The following TENM3 variants were observed in gnomAD, a reference collection of about 807,000 sequenced individuals.
The protein encoded by TENM3 is teneurin-3.
TENM3 carries 63 observed loss-of-function variants against 255.1 expected under a neutral mutation model. That is an observed-to-expected ratio of 0.25 (90% CI 0.20 to 0.30). The LOEUF (loss-of-function observed/expected upper bound fraction) is 0.30, where lower values mean the gene tolerates loss of function less well. Ranked by LOEUF, TENM3 falls within the 10% of genes least tolerant of loss-of-function variation. TENM3 has a pLI of 1.00. For synonymous variants in TENM3, 1,306 were observed against 1,322.3 expected (o/e 0.99, Z 0.27); for missense variants, 2,929 against 3,461.1 (o/e 0.85, Z 3.86).
At chr4:182,670,288 A>T (rs879922534) in intron 6 of TENM3, among the ~76,000 whole-genome samples, 16 of 152,206 alleles carry the variant, frequency 1.1e-4, no homozygotes, top group Non-Finnish European at 2.2e-4. Flanking sequence ...CTCAATTTGG[A>T]AATTTTATTC....
chr4:182,727,017 A>T (rs1579254552), intron 13 of TENM3, among the ~76,000 whole-genome samples: 1 of 152,356 alleles, frequency 6.6e-6, no homozygotes, highest in Admixed American at 6.5e-5. Context: ...TGAGCTTGCC[A>T]TCACAGTGGT....
chr4:182,008,767 A>G, the TENM3 span, among the ~76,000 whole-genome samples: 1 of 151,936 alleles, frequency 6.6e-6, no homozygotes, highest in South Asian at 2.1e-4. Flanking sequence ...CCCTTGATGG[A>G]GAGATGTTGC....
chr4:182,500,555 A>G (rs893563830), intron 3 of TENM3, among the ~76,000 whole-genome samples: 1 of 152,200 alleles, frequency 6.6e-6, no homozygotes, highest in African/African-American at 2.4e-5. Context: ...ATTTAGCAGT[A>G]TATGTTTAAA....
At chr4:181,574,403 C>T in the TENM3 span, among the ~76,000 whole-genome samples, 8 of 151,816 alleles carry the variant, frequency 5.3e-5, no homozygotes, top group South Asian at 2.1e-4. Context: ...CGGTGGCGGG[C>T]GCCTGTAGTC....
At chr4:182,740,193 C>T (rs779505176) in intron 18 of TENM3, among the ~76,000 whole-genome samples, 4 of 152,328 alleles carry the variant, frequency 2.6e-5, no homozygotes, top group Middle Eastern at 3.4e-3. Context: ...CTTCCAGTTA[C>T]GTCCTGGACA....
At chr4:182,622,227 C>T (rs1200856658) in intron 4 of TENM3, among the ~76,000 whole-genome samples, 2 of 151,810 alleles carry the variant, frequency 1.3e-5, no homozygotes, top group Admixed American at 6.6e-5. Flanking sequence ...GGCATGGTGG[C>T]ACATGCCTTT....
At chr4:181,668,528 T>G in the TENM3 span, among the ~76,000 whole-genome samples, 2 of 152,104 alleles carry the variant, frequency 1.3e-5, no homozygotes, top group Non-Finnish European at 2.9e-5. Context: ...TTCCAGTGGT[T>G]CCTTTGCTTG....
At chr4:182,001,288 T>C in the TENM3 span, among the ~76,000 whole-genome samples, 1 of 152,052 alleles carries the variant, frequency 6.6e-6, no homozygotes, top group African/African-American at 2.4e-5. Flanking sequence ...AGAAACAAAA[T>C]AACATAGTTA....
the TENM3 span, among the ~76,000 whole-genome samples, chr4:181,941,878 T>C: frequency 6.6e-6 from 1 of 152,196 alleles, no homozygotes; most frequent in Non-Finnish European, 1.5e-5. Context: ...GTCCATATCA[T>C]AAGTAAATAT....
the TENM3 span, among the ~76,000 whole-genome samples, chr4:181,897,670 AGCT>A: frequency 6.6e-6 from 1 of 152,152 alleles, no homozygotes. Context: ...GGAAATACTG[AGCT>A]TTATCTTCTT....
the TENM3 span, among the ~76,000 whole-genome samples, chr4:181,872,335 T>A: frequency 6.8e-6 from 1 of 146,474 alleles, no homozygotes; most frequent in African/African-American, 2.5e-5. Context: ...AAACTTTTAT[T>A]TTAAGTTCAG....
At chr4:181,921,050 T>G in the TENM3 span, among the ~76,000 whole-genome samples, 39 of 152,138 alleles carry the variant, frequency 2.6e-4, no homozygotes, top group Admixed American at 2.6e-4. Context: ...TTGTAGATAT[T>G]TGGCGTTATT....
At chr4:182,476,726 G>A (rs971264873) in intron 3 of TENM3, among the ~76,000 whole-genome samples, 8 of 152,110 alleles carry the variant, frequency 5.3e-5, no homozygotes, top group African/African-American at 9.7e-5. Context: ...ATACTTCCAC[G>A]GATAAAGTAC....
chr4:181,915,839 G>A, the TENM3 span, among the ~76,000 whole-genome samples: 7 of 152,204 alleles, frequency 4.6e-5, no homozygotes, highest in East Asian at 3.9e-4. Flanking sequence ...CACGAGTAAC[G>A]TGTACAATTT....
the TENM3 span, among the ~76,000 whole-genome samples, chr4:181,772,262 C>T: frequency 6.6e-6 from 1 of 151,970 alleles, no homozygotes; most frequent in Admixed American, 6.6e-5. Context: ...CCTGTAATCC[C>T]AGCTACTTGG....
chr4:182,044,570 C>T, the TENM3 span, among the ~76,000 whole-genome samples: 7 of 152,188 alleles, frequency 4.6e-5, no homozygotes, highest in African/African-American at 1.4e-4. Flanking sequence ...GAATCCTGCT[C>T]GTTTACGAGA....
At chr4:182,180,694 T>C (rs1752787153) in intron 1 of TENM3, among the ~76,000 whole-genome samples, 1 of 151,560 alleles carries the variant, frequency 6.6e-6, no homozygotes, top group African/African-American at 2.4e-5. Context: ...CAGGCTGGTC[T>C]TGAACTCCTG....
intron 3 of TENM3, among the ~76,000 whole-genome samples, chr4:182,399,894 T>A (rs1049518255): frequency 3.9e-5 from 6 of 152,160 alleles, no homozygotes; most frequent in African/African-American, 1.4e-4. Flanking sequence ...TAAATATTCC[T>A]AGCTTTGCAG....
intron 1 of TENM3, among the ~76,000 whole-genome samples, chr4:182,190,933 A>T (rs1322390420): frequency 6.6e-6 from 1 of 152,158 alleles, no homozygotes; most frequent in Non-Finnish European, 1.5e-5. Context: ...AGGAAATATA[A>T]AATTACTTGT....
Sources: gnomAD v4.1 joint callset for allele counts (sites outside exome capture counted in the v4.1 genomes callset) on GRCh38, gnomAD v4.1.1 for gene constraint, MANE v1.5 for transcripts, NCBI Gene and HGNC (gene_info 2026-07-23, HGNC 2026-07-21) for gene names.